The following PXN variants were observed in gnomAD, a reference collection of about 807,000 sequenced individuals.
PXN encodes the protein testicular tissue protein Li 134.
In PXN, 61 loss-of-function variants were observed where a neutral mutation model predicts 103.6. The ratio of observed to expected loss-of-function variants is 0.59; its 90% CI spans 0.48 to 0.73. PXN has a LOEUF of 0.73. Ranked by LOEUF, PXN falls within the 30% of genes least tolerant of loss-of-function variation. The probability of loss-of-function intolerance (pLI) is 0.00; values close to 1 mark genes in which losing one functional copy is unlikely to be tolerated. For missense variants in PXN, 1,274 were observed against 1,460.3 expected, an observed-to-expected ratio of 0.87 and a Z score of 2.08; for synonymous variants, 562 against 607.8, an observed-to-expected ratio of 0.92 and a Z score of 1.11.
rs1196858735 is a variant in PXN at position 120,216,731 on chromosome 12, C to T, written c.1992+110G>A. On this transcript the variant is annotated intron_variant, in intron 8 of 14. Transcript: ENST00000637617. This position sits in a 1 kb window ranked among gnomAD's most constrained non-coding sequence, Gnocchi z 5.1. Reference sequence around the variant, plus strand: ...CCAAAGTCACAGGAGGCAAGAAACCCCCACCCTCTCCCCAGATCTCCCCTC... The same window carrying T: ...CCAAAGTCACAGGAGGCAAGAAACCTCCACCCTCTCCCCAGATCTCCCCTC... The T allele has an allele frequency of 6.3e-7, 1 of 1,594,700 alleles. No individual in the cohort carries two copies. Among genetic ancestry groups the T allele is most frequent in the African/African-American group, 1.3e-5 (1 of 74,594 alleles).
chr12:120,251,437 A>C (rs1174000461), intron 1 of PXN, among the ~76,000 whole-genome samples: 1 of 151,692 alleles, frequency 6.6e-6, no homozygotes, highest in Non-Finnish European at 1.5e-5. Context: ...GAATCACTTG[A>C]ACATGGGAGG....
intron 1 of PXN, among the ~76,000 whole-genome samples, chr12:120,250,900 G>C (rs1341235334): frequency 5.3e-5 from 8 of 152,148 alleles, no homozygotes; most frequent in Non-Finnish European, 1.5e-5. Context: ...AAGATGAAGT[G>C]GAAGCTTAAA....
Position 120,224,532 on chromosome 12 carries a change from G to A in PXN, c.14-155C>T. On this transcript the variant is annotated intron_variant, in intron 1 of 14. Coordinates refer to ENST00000637617, the MANE Select transcript of PXN (RefSeq NM_001385981.1). This position sits in a 1 kb window ranked among gnomAD's most constrained non-coding sequence, Gnocchi z 5.0. ...CCAGCCTTGGGACAGGAAGCCACCA[G>A]CCCCGACCAGCCTAACCAAGAGCCG... 1 of 734,794 alleles carries A rather than the reference G, an allele frequency of 1.4e-6. No homozygotes were observed. The highest frequency in any genetic ancestry group is 2.5e-6 in the Non-Finnish European group (1 of 405,544). 45.5% of individuals were successfully genotyped at this position (734,794 alleles called of 1,614,324 possible).
In PXN at chr12:120,219,921, C is replaced by T; in HGVS notation, c.1002G>A (p.Glu334=). 6.3e-7 allele frequency: 1 copy of T among 1,598,102 alleles called. No individual in the cohort carries two copies. The change falls in exon 7 of 15, where the codon GAG becomes GAA. Residue 334 remains glutamate (E), a synonymous_variant. Transcript: ENST00000637617. This position sits in a 1 kb window ranked among gnomAD's most constrained non-coding sequence, Gnocchi z 6.5. ...QGHTPEFPCT[E]QSGRGLLPPV... Reference sequence around the variant, plus strand: ...GAGGTAGAAGGCCTCGTCCACTCTGCTCAGTACAAGGGAACTCCGGAGTGT... The same window carrying T: ...GAGGTAGAAGGCCTCGTCCACTCTGTTCAGTACAAGGGAACTCCGGAGTGT...
At chr12:120,259,949 G>C (rs1893606989) in intron 1 of PXN, among the ~76,000 whole-genome samples, 1 of 152,188 alleles carries the variant, frequency 6.6e-6, no homozygotes, top group African/African-American at 2.4e-5. Context: ...TCCCTCCTCT[G>C]GATACGGGAA....
rs1885580100 is a variant in PXN, at chr12:120,222,796, TGGGATCTAGA to T, written c.494-56_494-47del. 1 of 1,601,740 alleles carries T rather than the reference TGGGATCTAGA, an allele frequency of 6.2e-7. No individual in the cohort carries two copies. The highest frequency in any genetic ancestry group is 1.7e-5 in the Admixed American group (1 of 57,378). On this transcript the variant is annotated intron_variant, in intron 4 of 14. Transcript: ENST00000637617. This position sits in a 1 kb window ranked among gnomAD's most constrained non-coding sequence, Gnocchi z 4.7. ...AGGCTGCTCAGCCCTTGAGCCCTCC[TGGGATCTAGA>T]GGTCAGCAGATGGGCCCTGGGCCCT...
chr12:120,212,711 G>T lies in PXN; in HGVS notation c.2980-131C>A. 1.8e-6 allele frequency: 2 copies of T among 1,094,650 alleles called. No homozygotes were observed. The highest frequency in any genetic ancestry group is 2.6e-6 in the Non-Finnish European group (2 of 770,844). The allele number at this position is 1,094,650 out of a possible 1,614,324, so 67.8% of individuals were successfully genotyped here. Reference sequence around the variant, plus strand: ...ACTTGCTAGGCGTTTCCCATGTGCCGTGTTGTCCTAAACGCTCATTTTTCA... The same window carrying T: ...ACTTGCTAGGCGTTTCCCATGTGCCTTGTTGTCCTAAACGCTCATTTTTCA... On this transcript the variant is annotated intron_variant, in intron 14 of 14. Transcript: ENST00000637617. The surrounding 1 kb of genome is among the most constrained non-coding windows in gnomAD (Gnocchi z 7.2).
Position 120,215,629 on chromosome 12 carries a change from C to T in PXN, c.2334G>A (p.Glu778=). The change falls in exon 10 of 15, where the codon GAG becomes GAA. Residue 778 remains glutamate (E), a synonymous_variant. Transcript: ENST00000637617. This position sits in a 1 kb window ranked among gnomAD's most constrained non-coding sequence, Gnocchi z 4.9. ...GAGGCCAGCCGGCCGCCCAGCACCGCTCCCCATCCGCTCTTTGCTCCAGGC... is the reference window on the plus strand; with the variant it reads ...GAGGCCAGCCGGCCGCCCAGCACCGTTCCCCATCCGCTCTTTGCTCCAGGC... ...IQGLEQRADG[E]RCWAAGWPRD... is the part of the protein sequence containing the mutation. The T allele has an allele frequency of 1.2e-6, 2 of 1,612,276 alleles. No individual in the cohort carries two copies. The highest frequency in any genetic ancestry group is 2.2e-5 in the East Asian group (1 of 44,846).
chr12:120,257,581 A>AG (rs1238912591), intron 1 of PXN, among the ~76,000 whole-genome samples: 2 of 152,182 alleles, frequency 1.3e-5, no homozygotes, highest in Non-Finnish European at 2.9e-5. Context: ...CCTCAGAGCC[A>AG]AGAGGGCCAC....
intron 1 of PXN, chr12:120,249,773 G>C (rs1487023736): frequency 1.2e-6 from 1 of 840,742 alleles, no homozygotes; most frequent in Non-Finnish European, 1.4e-6. Context: ...TCCAAAGAGA[G>C]AGAAGGGGGA....
chr12:120,247,968 T>C lies in PXN; in HGVS notation c.13+17649A>G, dbSNP rs1891452448. ...ATTCATCATGAAGACATAATCATCC[T>C]AAATGTACACCCACTCAACAACAGA... On this transcript the variant is annotated intron_variant, in intron 1 of 14. Transcript: ENST00000637617. Among the ~76,000 whole-genome samples, 4 of 152,198 alleles carry C rather than the reference T, an allele frequency of 2.6e-5. No individual in the cohort carries two copies. The South Asian group carries it at 8.3e-4, about 32-fold the overall frequency.
At chr12:120,248,534 A>ACG (rs1415842424) in intron 1 of PXN, among the ~76,000 whole-genome samples, 3 of 147,828 alleles carry the variant, frequency 2.0e-5, no homozygotes, top group Non-Finnish European at 3.0e-5. Context: ...ACACACACAC[A>ACG]CACACACCAG....
chr12:120,258,925 C>A (rs1015357343), intron 1 of PXN, among the ~76,000 whole-genome samples: 5 of 151,682 alleles, frequency 3.3e-5, no homozygotes, highest in Admixed American at 6.6e-5. Context: ...AAAAATTAGC[C>A]AGGCGTGGTG....
Position 120,212,292 on chromosome 12 carries a change from G to T in PXN, c.*22C>A. 2 of 1,604,348 alleles carry T rather than the reference G, an allele frequency of 1.2e-6. No homozygotes were observed. The highest frequency in any genetic ancestry group is 8.5e-7 in the Non-Finnish European group (1 of 1,174,566). ...TTGGGGATGCTGGCTGGGGAAGGGG[G>T]GCAGAGACAGGGGCAGGGCACCTAG... is the stretch of plus-strand genomic sequence containing the variant. On this transcript the variant is annotated 3_prime_UTR_variant, in exon 15 of 15. Transcript: ENST00000637617. The surrounding 1 kb of genome is among the most constrained non-coding windows in gnomAD (Gnocchi z 7.2).
chr12:120,239,607 C>T (rs996675943), intron 1 of PXN, among the ~76,000 whole-genome samples: 1 of 151,898 alleles, frequency 6.6e-6, no homozygotes, highest in African/African-American at 2.4e-5. Context: ...ATTAGCCAGG[C>T]GTGGTGGTGC....
At position 120,221,788 on chromosome 12, in the gene PXN, GC is replaced by G; in HGVS notation, c.696-31del. ...AGGGTGGGCACAGCATCAGTGGGGA[GC>G]CCACAGTCAGCCCCACACTTCCCGG... On this transcript the variant is annotated intron_variant, in intron 5 of 14. Coordinates refer to ENST00000637617, the MANE Select transcript of PXN (RefSeq NM_001385981.1). The surrounding 1 kb of genome is among the most constrained non-coding windows in gnomAD (Gnocchi z 6.6). 6.5e-7 allele frequency: 1 copy of G among 1,536,114 alleles called. No homozygotes were observed.
At position 120,215,526 on chromosome 12, in the gene PXN, C is replaced by T. The variant is rs185554637; in HGVS notation, c.2403+34G>A. The T allele has an allele frequency of 4.7e-4, 723 of 1,546,778 alleles. 6 individuals carry two copies. In the Admixed American group the frequency reaches 7.3e-3, roughly 16 times the overall value. ...ATGGCCAAGCCCAGGGAGAGCACGA[C>T]ACGCAGGACACCCAGCCCAGCCTTG... On this transcript the variant is annotated intron_variant, in intron 10 of 14. Coordinates refer to ENST00000637617, the MANE Select transcript of PXN (RefSeq NM_001385981.1). The surrounding 1 kb of genome is among the most constrained non-coding windows in gnomAD (Gnocchi z 4.9).
chr12:120,226,932 A>G, intron 1 of PXN: 1 of 990,898 alleles, frequency 1.0e-6, no homozygotes, highest in Non-Finnish European at 1.2e-6. Flanking sequence ...GACCCAAGTC[A>G]CTCTGCAGGA....
At chr12:120,226,831 ACT>A (rs1393479438) in intron 1 of PXN, 2 of 1,011,526 alleles carry the variant, frequency 2.0e-6, no homozygotes, top group Non-Finnish European at 2.4e-6. Context: ...CTCTTGAATA[ACT>A]CTGACCTCAA....
Sources: allele counts gnomAD v4.1 joint callset (sites outside exome capture counted in the v4.1 genomes callset), GRCh38; gene constraint gnomAD v4.1.1; non-coding constraint Gnocchi (gnomAD v3.1); transcripts MANE v1.5; gene names NCBI Gene and HGNC (gene_info 2026-07-23, HGNC 2026-07-21).